The following ZNF516 variants were observed in gnomAD, a reference collection of about 807,000 sequenced individuals.
ZNF516 encodes zinc finger protein 516.
ZNF516 carries 19 observed loss-of-function variants against 79.7 expected under a neutral mutation model. The ratio of observed to expected loss-of-function variants is 0.24; its 90% CI spans 0.17 to 0.35. The LOEUF (loss-of-function observed/expected upper bound fraction) is 0.35, where lower values mean the gene tolerates loss of function less well. Ranked by LOEUF, ZNF516 falls within the 10% of genes least tolerant of loss-of-function variation. The probability of loss-of-function intolerance (pLI) is 1.00; values close to 1 mark genes in which losing one functional copy is unlikely to be tolerated. For missense variants in ZNF516, 1,678 were observed against 1,679.5 expected, an observed-to-expected ratio of 1.00 and a Z score of 0.02; for synonymous variants, 877 against 739.5, an observed-to-expected ratio of 1.19 and a Z score of -3.02.
intron 3 of ZNF516, among the ~76,000 whole-genome samples, chr18:76,400,784 A>C (rs2075208883): frequency 6.6e-6 from 1 of 152,250 alleles, no homozygotes; most frequent in Admixed American, 6.5e-5. Context: ...ATTGAGTCTC[A>C]GAAGTTCCAG....
At chr18:76,416,124 T>A (rs1010232247) in intron 3 of ZNF516, among the ~76,000 whole-genome samples, 6 of 152,224 alleles carry the variant, frequency 3.9e-5, no homozygotes, top group African/African-American at 1.4e-4. Context: ...TTACTGAAAG[T>A]GAAGGAAAAA....
chr18:76,422,196 G>A (rs1005253119), intron 3 of ZNF516, among the ~76,000 whole-genome samples: 36 of 152,262 alleles, frequency 2.4e-4, no homozygotes, highest in African/African-American at 8.7e-4. Context: ...CACTAAATAA[G>A]ACACAGTAAA....
chr18:76,360,177 A>T lies in ZNF516; in HGVS notation c.*2321T>A, dbSNP rs2074509856. On this transcript the variant is annotated 3_prime_UTR_variant, in exon 7 of 7. Coordinates refer to ENST00000443185, the MANE Select transcript of ZNF516 (RefSeq NM_014643.4). Reference sequence around the variant, plus strand: ...CCCACTCCCCACCAGAGCCTCCAGGATGGAGCCTCACCAGCAAGACACTTC... The same window carrying T: ...CCCACTCCCCACCAGAGCCTCCAGGTTGGAGCCTCACCAGCAAGACACTTC... 1 of 152,356 alleles carries T rather than the reference A, an allele frequency of 6.6e-6. No homozygotes were observed. Among genetic ancestry groups the T allele is most frequent in the Non-Finnish European group, 1.5e-5 (1 of 68,128 alleles). The allele number at this position is 152,356 out of a possible 1,614,324, so 9.4% of individuals were successfully genotyped here. A position where few individuals can be genotyped will look rare whatever the true frequency, so the allele number is the denominator to read the frequency against.
intron 2 of ZNF516, among the ~76,000 whole-genome samples, chr18:76,444,970 G>A (rs1911953210): frequency 6.6e-6 from 1 of 152,194 alleles, no homozygotes; most frequent in Admixed American, 6.5e-5. Context: ...AGCCTCAGCA[G>A]CAAATGAAAA....
intron 1 of ZNF516, chr18:76,492,027 G>A (rs762886129): frequency 1.2e-5 from 4 of 341,706 alleles, no homozygotes; most frequent in Non-Finnish European, 1.2e-5. Flanking sequence ...ACGGACCCTC[G>A]GGTGACCTCG....
intron 3 of ZNF516, among the ~76,000 whole-genome samples, chr18:76,406,199 A>T (rs1402295106): frequency 6.6e-6 from 1 of 152,136 alleles, no homozygotes; most frequent in Admixed American, 6.5e-5. Context: ...TGACTTCTTC[A>T]CCACCAGGTG....
chr18:76,406,809 C>T (rs995356044), intron 3 of ZNF516, among the ~76,000 whole-genome samples: 1 of 152,208 alleles, frequency 6.6e-6, no homozygotes, highest in Admixed American at 6.5e-5. Flanking sequence ...AATCCACTGA[C>T]GGCCCAGGAG....
intron 1 of ZNF516, among the ~76,000 whole-genome samples, chr18:76,482,027 A>G (rs1018273427): frequency 2.6e-4 from 39 of 152,210 alleles, no homozygotes; most frequent in Admixed American, 6.5e-4. Flanking sequence ...GGCACTGTCT[A>G]TGTAAGAATA....
chr18:76,407,269 A>G (rs1294881091), intron 3 of ZNF516, among the ~76,000 whole-genome samples: 1 of 152,072 alleles, frequency 6.6e-6, no homozygotes, highest in East Asian at 1.9e-4. Flanking sequence ...CCACAAAAAT[A>G]AAATAATTAG....
chr18:76,427,977 A>G (rs894063285), intron 3 of ZNF516, among the ~76,000 whole-genome samples: 1 of 152,260 alleles, frequency 6.6e-6, no homozygotes, highest in Non-Finnish European at 1.5e-5. Context: ...GAGGGCATGG[A>G]GAAACACACA....
At chr18:76,418,358 AAC>A (rs1037231272) in intron 3 of ZNF516, among the ~76,000 whole-genome samples, 6 of 151,894 alleles carry the variant, frequency 4.0e-5, no homozygotes, top group African/African-American at 1.5e-4. Context: ...CATATGCTGT[AAC>A]ACACTGTAAC....
intron 3 of ZNF516, among the ~76,000 whole-genome samples, chr18:76,405,783 G>A (rs768647819): frequency 9.2e-5 from 14 of 152,030 alleles, no homozygotes; most frequent in African/African-American, 2.2e-4. Flanking sequence ...GAGCCACACC[G>A]TCACACTCAG....
chr18:76,360,350 C>G lies in ZNF516; in HGVS notation c.*2148G>C, dbSNP rs932015485. The G allele has an allele frequency of 1.3e-5, 2 of 152,078 alleles. No individual in the cohort carries two copies. The highest frequency in any genetic ancestry group is 4.8e-5 in the African/African-American group (2 of 41,420). 9.4% of individuals were successfully genotyped at this position (152,078 alleles called of 1,614,324 possible). Reference sequence around the variant, plus strand: ...ACTGGGTCACTAGTCCCTGACATTCCTAACAGTCACCATTCACTTTCAGCC... The same window carrying G: ...ACTGGGTCACTAGTCCCTGACATTCGTAACAGTCACCATTCACTTTCAGCC... On this transcript the variant is annotated 3_prime_UTR_variant, in exon 7 of 7. Transcript: ENST00000443185.
At chr18:76,389,459 G>A (rs1253788665) in intron 3 of ZNF516, 1 of 152,204 alleles carries the variant, frequency 6.6e-6, no homozygotes, top group Non-Finnish European at 1.5e-5. Context: ...CCAATGAGAG[G>A]GGCAGGCAGA....
Position 76,379,193 on chromosome 18 carries a change from A to G in ZNF516, c.2921T>C (p.Leu974Pro), listed in dbSNP as rs2074843534. 6.2e-7 allele frequency: 1 copy of G among 1,612,736 alleles called. No individual in the cohort carries two copies. Among genetic ancestry groups the G allele is most frequent in the Non-Finnish European group, 8.5e-7 (1 of 1,179,754 alleles). ...AGGCTGAGCACTGAATTTGGCTTTC[A>G]GGGAGTCCGGGGCACTGTGCTTATT... ...PTNKHSAPDS[L>P]KAKFSAQPQG... Residue 974 changes from leucine to proline, a missense_variant, in exon 4 of 7, where the codon CTG (leucine) becomes CCG (proline). Physicochemically the swap from Leu to Pro is moderately conservative, Grantham distance 98. Coordinates refer to ENST00000443185, the MANE Select transcript of ZNF516 (RefSeq NM_014643.4).
At position 76,361,079 on chromosome 18, in the gene ZNF516, G is replaced by A. The variant is rs865954943; in HGVS notation, c.*1419C>T. On this transcript the variant is annotated 3_prime_UTR_variant, in exon 7 of 7. Coordinates refer to ENST00000443185, the MANE Select transcript of ZNF516 (RefSeq NM_014643.4). ...GCATGCTCGTTTTAATCCATTTCCT[G>A]CCTTTACAAAATTTCACAATTAAAA... 36 of 151,590 alleles carry A rather than the reference G, an allele frequency of 2.4e-4. No individual in the cohort carries two copies. The highest frequency in any genetic ancestry group is 3.4e-3 in the Middle Eastern group (1 of 294). The allele number at this position is 151,590 out of a possible 1,614,324, so 9.4% of individuals were successfully genotyped here. A position where few individuals can be genotyped will look rare whatever the true frequency, so the allele number is the denominator to read the frequency against.
At position 76,441,644 on chromosome 18, in the gene ZNF516, G is replaced by A. The variant is rs2075824632; in HGVS notation, c.1411C>T (p.Pro471Ser). ...TTCCGCGGGGGCCCCTGCGCGGCTG[G>A]TGCATCCTGCTCACGCTTGCGCTTC... Reference protein sequence around the residue: ...QEKRKREQDAPAAQGPPRKRA... With the variant: ...QEKRKREQDASAAQGPPRKRA... The change falls in exon 3 of 7, where the codon CCA becomes TCA. Residue 471 changes from proline (P) to serine (S), a missense_variant. By Grantham distance (74) the Pro-to-Ser change is moderately conservative. Coordinates refer to ENST00000443185, the MANE Select transcript of ZNF516 (RefSeq NM_014643.4). 6.5e-7 allele frequency: 1 copy of A among 1,531,890 alleles called. No homozygotes were observed. Among genetic ancestry groups the A allele is most frequent in the Non-Finnish European group, 8.8e-7 (1 of 1,140,042 alleles). 94.9% of individuals were successfully genotyped at this position (1,531,890 alleles called of 1,614,324 possible). A position where few individuals can be genotyped will look rare whatever the true frequency, so the allele number is the denominator to read the frequency against.
At chr18:76,420,607 C>T (rs180676201) in intron 3 of ZNF516, among the ~76,000 whole-genome samples, 1 of 152,040 alleles carries the variant, frequency 6.6e-6, no homozygotes, top group Non-Finnish European at 1.5e-5. Context: ...CTAAGTAGGA[C>T]AGATGATCAA....
At chr18:76,389,628 A>G (rs2075043037) in intron 3 of ZNF516, among the ~76,000 whole-genome samples, 1 of 152,230 alleles carries the variant, frequency 6.6e-6, no homozygotes, top group African/African-American at 2.4e-5. Context: ...TTTCTTATGT[A>G]CTCTTCAATG....
Sources: gnomAD v4.1 joint callset for allele counts (sites outside exome capture counted in the v4.1 genomes callset) on GRCh38, gnomAD v4.1.1 for gene constraint, MANE v1.5 for transcripts, NCBI Gene and HGNC (gene_info 2026-07-23, HGNC 2026-07-21) for gene names.